SLC4A4: variants seen among roughly 807,000 people sequenced by gnomAD.
SLC4A4 encodes solute carrier family 4 member 4, also known as electrogenic sodium bicarbonate cotransporter 1.
SLC4A4 carries 27 observed loss-of-function variants against 111.5 expected under a neutral mutation model. That is an observed-to-expected ratio of 0.24 (90% CI 0.18 to 0.33). SLC4A4 has a LOEUF of 0.33. Ranked by LOEUF, SLC4A4 falls within the 10% of genes least tolerant of loss-of-function variation. The probability of loss-of-function intolerance (pLI) is 1.00; values close to 1 mark genes in which losing one functional copy is unlikely to be tolerated. For missense variants in SLC4A4, 909 were observed against 1,315.5 expected (o/e 0.69, Z 4.78); for synonymous variants, 443 against 463.4 (o/e 0.96, Z 0.57).
chr4:71,395,026 A>C (rs986577534), intron 6 of SLC4A4, among the ~76,000 whole-genome samples: 1 of 152,164 alleles, frequency 6.6e-6, no homozygotes, highest in South Asian at 2.1e-4. Flanking sequence ...TCACTACAGA[A>C]CTTACGTAGC....
intron 3 of SLC4A4, among the ~76,000 whole-genome samples, chr4:71,267,781 G>C (rs1459242051): frequency 1.3e-5 from 1 of 78,852 alleles, no homozygotes; most frequent in Non-Finnish European, 2.2e-5. Context: ...ATGACAGAGT[G>C]AGAGTCTGCC....
At chr4:71,351,017 C>T (rs1729778824) in intron 5 of SLC4A4, among the ~76,000 whole-genome samples, 1 of 152,082 alleles carries the variant, frequency 6.6e-6, no homozygotes, top group Non-Finnish European at 1.5e-5. Context: ...CAGTTTAGGC[C>T]AAGCTACTGA....
At chr4:71,263,201 AT>A (rs1721995901) in intron 3 of SLC4A4, among the ~76,000 whole-genome samples, 2 of 152,160 alleles carry the variant, frequency 1.3e-5, no homozygotes, top group African/African-American at 4.8e-5. Flanking sequence ...TACTTTCAAT[AT>A]TTTATGTAGT....
chr4:71,102,535 T>G (rs569337745), intron 2 of SLC4A4, among the ~76,000 whole-genome samples: 2 of 152,090 alleles, frequency 1.3e-5, no homozygotes, highest in Non-Finnish European at 2.9e-5. Flanking sequence ...GTCAGGTTAC[T>G]CACAAAGGAA....
At chr4:71,204,471 G>C (rs1197785083) in intron 1 of SLC4A4, among the ~76,000 whole-genome samples, 2 of 152,274 alleles carry the variant, frequency 1.3e-5, no homozygotes, top group South Asian at 2.1e-4. Context: ...AGGATGTTGA[G>C]TACTTGAAAA....
intron 2 of SLC4A4, among the ~76,000 whole-genome samples, chr4:71,117,142 A>T (rs1177384628): frequency 1.3e-5 from 2 of 151,916 alleles, no homozygotes; most frequent in African/African-American, 4.8e-5. Context: ...GTGAGTGGCT[A>T]ATTTATTTTT....
chr4:71,444,464 G>A (rs1273746722), intron 8 of SLC4A4, among the ~76,000 whole-genome samples: 1 of 152,086 alleles, frequency 6.6e-6, no homozygotes, highest in Non-Finnish European at 1.5e-5. Context: ...ATAAATTAAT[G>A]CTTTTTTTTT....
intron 23 of SLC4A4, 106 bp from the exon 24 acceptor site, chr4:71,563,687 T>A: frequency 1.3e-6 from 1 of 780,730 alleles, no homozygotes; most frequent in South Asian, 1.4e-5. Flanking sequence ...GCTTTTCTCC[T>A]TAGTAGTATG....
At chr4:71,457,780 G>A (rs1726423838) in intron 12 of SLC4A4, among the ~76,000 whole-genome samples, 1 of 151,924 alleles carries the variant, frequency 6.6e-6, no homozygotes, top group African/African-American at 2.4e-5. Context: ...CTCGATATCA[G>A]CAGAGGATTG....
chr4:71,094,836 G>T (rs930390323), intron 2 of SLC4A4, among the ~76,000 whole-genome samples: 1 of 152,120 alleles, frequency 6.6e-6, no homozygotes, highest in Admixed American at 6.5e-5. Flanking sequence ...AGTCTTCAGT[G>T]AAGCTTCAGA....
intron 2 of SLC4A4, among the ~76,000 whole-genome samples, chr4:71,151,377 A>G (rs182177457): frequency 6.6e-6 from 1 of 152,268 alleles, no homozygotes; most frequent in African/African-American, 2.4e-5. Flanking sequence ...AATTCAGTGC[A>G]TTTCTCTGGT....
Position 71,497,495 on chromosome 4 carries a change from C to T in SLC4A4, c.1975-6C>T. ...CTAGAAAAATTTTAATGTTTTTCTT[C>T]TTCAGTACCATAATACTACCTTTGA... On this transcript the variant is annotated splice_region_variant and splice_polypyrimidine_tract_variant and intron_variant, in intron 15 of 25. Coordinates refer to ENST00000264485, the MANE Select transcript of SLC4A4 (RefSeq NM_001098484.3). 6.2e-7 allele frequency: 1 copy of T among 1,611,566 alleles called. No individual in the cohort carries two copies. Among genetic ancestry groups the T allele is most frequent in the Non-Finnish European group, 8.5e-7 (1 of 1,178,310 alleles).
At chr4:71,102,801 A>C (rs1468027248) in intron 2 of SLC4A4, among the ~76,000 whole-genome samples, 4 of 151,838 alleles carry the variant, frequency 2.6e-5, no homozygotes, top group African/African-American at 9.7e-5. Context: ...AACCGGTACC[A>C]GCTGCTGCAA....
intron 1 of SLC4A4, among the ~76,000 whole-genome samples, chr4:71,203,016 A>G (rs374150727): frequency 3.3e-5 from 5 of 152,226 alleles, no homozygotes; most frequent in African/African-American, 1.2e-4. Flanking sequence ...GACTAAGAAT[A>G]TATAACACAT....
In SLC4A4 at chr4:71,498,158, G is replaced by T. The variant is rs112903759; in HGVS notation, c.2166+466G>T. Reference sequence around the variant, plus strand: ...TAAATTGTGTTGTTACACAAGTATTGGTGTAAGATATGACTGTCATATGAG... The same window carrying T: ...TAAATTGTGTTGTTACACAAGTATTTGTGTAAGATATGACTGTCATATGAG... On this transcript the variant is annotated intron_variant, in intron 16 of 25. Coordinates refer to ENST00000264485, the MANE Select transcript of SLC4A4 (RefSeq NM_001098484.3). Among the ~76,000 whole-genome samples, 764 of 152,116 alleles carry T rather than the reference G, an allele frequency of 5.0e-3. 9 individuals carry two copies. Among genetic ancestry groups the T allele is most frequent in the African/African-American group, 0.018 (734 of 41,520 alleles).
intron 20 of SLC4A4, among the ~76,000 whole-genome samples, chr4:71,550,626 G>C (rs1437541266): frequency 6.6e-6 from 1 of 151,792 alleles, no homozygotes; most frequent in African/African-American, 2.4e-5. Context: ...GTCTGTCTTT[G>C]AAAGGGCAGA....
chr4:71,180,878 G>T (rs1745270139), intron 2 of SLC4A4, among the ~76,000 whole-genome samples: 1 of 151,980 alleles, frequency 6.6e-6, no homozygotes, highest in Non-Finnish European at 1.5e-5. Flanking sequence ...ATATACCCAA[G>T]GATTATAAAT....
intron 2 of SLC4A4, among the ~76,000 whole-genome samples, chr4:71,247,884 C>A (rs1720792665): frequency 6.6e-6 from 1 of 151,780 alleles, no homozygotes; most frequent in South Asian, 2.1e-4. Context: ...CTTCCTAGGC[C>A]TTTTGGCTCT....
At chr4:71,160,124 C>T (rs1400205062) in intron 2 of SLC4A4, among the ~76,000 whole-genome samples, 1 of 151,060 alleles carries the variant, frequency 6.6e-6, no homozygotes, top group Non-Finnish European at 1.5e-5. Flanking sequence ...GAAAACTCAG[C>T]GTTAGAGAAA....
Sources: allele counts gnomAD v4.1 joint callset (sites outside exome capture counted in the v4.1 genomes callset), GRCh38; gene constraint gnomAD v4.1.1; transcripts MANE v1.5; gene names NCBI Gene and HGNC (gene_info 2026-07-23, HGNC 2026-07-21).